EPS15: variants seen among roughly 807,000 people sequenced by gnomAD.
EPS15 encodes the protein epidermal growth factor receptor substrate 15.
EPS15 carries 72 observed loss-of-function variants against 113.8 expected under a neutral mutation model. The observed-to-expected ratio is 0.63, with a 90% CI of 0.52 to 0.77. EPS15 has a LOEUF of 0.77. EPS15 is among the 30% of genes least tolerant of loss of function. EPS15 has a pLI of 0.00. For missense variants in EPS15, 1,048 were observed against 1,045.8 expected, an observed-to-expected ratio of 1.00 and a Z score of -0.03; for synonymous variants, 344 against 363.4, an observed-to-expected ratio of 0.95 and a Z score of 0.61.
In EPS15 at chr1:51,399,151, C is replaced by T. The variant is rs986033614; in HGVS notation, c.1933G>A (p.Asp645Asn). 5.6e-6 allele frequency: 9 copies of T among 1,613,326 alleles called. No homozygotes were observed. Among genetic ancestry groups the T allele is most frequent in the Non-Finnish European group, 7.6e-6 (9 of 1,179,808 alleles). Residue 645 changes from aspartate to asparagine, a missense_variant, in exon 20 of 25, where the codon GAT becomes AAT. Physicochemically the swap from Asp to Asn is conservative, Grantham distance 23 (BLOSUM62 1). Coordinates refer to ENST00000371733, the MANE Select transcript of EPS15 (RefSeq NM_001981.3). Reference sequence around the variant, plus strand: ...AATGGATCTGAACCTTTGAAAGGATCACCACCAAATGGATCTAAAAAAATA... The same window carrying T: ...AATGGATCTGAACCTTTGAAAGGATTACCACCAAATGGATCTAAAAAAATA... ...PFGKIDPFGGDPFKGSDPFAS... is the reference protein window; with the variant it reads ...PFGKIDPFGGNPFKGSDPFAS...
intron 23 of EPS15, 48 bp downstream of exon 23, chr1:51,363,816 GAA>G: frequency 6.5e-7 from 1 of 1,534,666 alleles, no homozygotes; most frequent in Non-Finnish European, 8.8e-7. Flanking sequence ...ATACTTTTCA[GAA>G]AGAGAAAAGC....
At chr1:51,475,595 G>A (rs930738369) in intron 2 of EPS15, among the ~76,000 whole-genome samples, 13 of 152,146 alleles carry the variant, frequency 8.5e-5, no homozygotes, top group African/African-American at 3.1e-4. Context: ...TGTCAGATGG[G>A]TAGATTGTAA....
chr1:51,357,411 TATATATATATATA>T (rs1557761441), intron 24 of EPS15, among the ~76,000 whole-genome samples: 643 of 59,596 alleles, frequency 0.011, 28 homozygotes, highest in African/African-American at 0.052. Context: ...TATATATATA[TATATATATATATA>T]TATTTTTTTT....
At chr1:51,462,184 G>A (rs1654499620) in intron 7 of EPS15, 1 of 152,152 alleles carries the variant, frequency 6.6e-6, no homozygotes, top group African/African-American at 2.4e-5. Context: ...ACAACATGGA[G>A]AAACCCCATC....
chr1:51,489,744 T>G (rs1161562406), intron 1 of EPS15, among the ~76,000 whole-genome samples: 1 of 152,184 alleles, frequency 6.6e-6, no homozygotes, highest in African/African-American at 2.4e-5. Context: ...ATAACTTGTT[T>G]TGGCCACTGA....
intron 1 of EPS15, among the ~76,000 whole-genome samples, chr1:51,493,558 A>G (rs1410736905): frequency 1.3e-5 from 2 of 149,286 alleles, no homozygotes; most frequent in Non-Finnish European, 3.0e-5. Flanking sequence ...ATAAATAAAT[A>G]AATAAATAAA....
At chr1:51,478,098 T>C (rs1201824404) in intron 2 of EPS15, among the ~76,000 whole-genome samples, 1 of 152,204 alleles carries the variant, frequency 6.6e-6, no homozygotes, top group African/African-American at 2.4e-5. Context: ...TAAGTCTCTT[T>C]GTAGGTCTCT....
chr1:51,433,839 G>C (rs1651930882), intron 12 of EPS15, among the ~76,000 whole-genome samples: 1 of 152,202 alleles, frequency 6.6e-6, no homozygotes, highest in Non-Finnish European at 1.5e-5. Flanking sequence ...GACAGAGACA[G>C]GAAGGAAATG....
chr1:51,407,510 T>C (rs955196564), intron 15 of EPS15, among the ~76,000 whole-genome samples: 8 of 152,140 alleles, frequency 5.3e-5, no homozygotes, highest in Non-Finnish European at 8.8e-5. Flanking sequence ...CCTAACTATC[T>C]TATCATTCAT....
intron 12 of EPS15, among the ~76,000 whole-genome samples, chr1:51,423,979 C>G (rs942747641): frequency 6.6e-6 from 1 of 151,936 alleles, no homozygotes; most frequent in Non-Finnish European, 1.5e-5. Flanking sequence ...CTAATCATAT[C>G]CTGAAGACCA....
chr1:51,374,547 T>A (rs1646740203), intron 21 of EPS15, among the ~76,000 whole-genome samples: 1 of 152,114 alleles, frequency 6.6e-6, no homozygotes, highest in African/African-American at 2.4e-5. Context: ...GAGGTTGCAG[T>A]GAGCTGAGAT....
chr1:51,473,048 G>A, intron 2 of EPS15, 100 bp from the exon 3 acceptor site: 1 of 860,200 alleles, frequency 1.2e-6, no homozygotes, highest in South Asian at 1.4e-5. Flanking sequence ...CCTGGCTTTT[G>A]CAAGAAAGGA....
At chr1:51,373,168 TAAG>T (rs1336468325) in intron 21 of EPS15, 1 of 158,274 alleles carries the variant, frequency 6.3e-6, no homozygotes, top group African/African-American at 2.4e-5. Flanking sequence ...TGACAAAGAG[TAAG>T]ATATAGATAA....
chr1:51,416,726 G>A (rs1400154715), intron 13 of EPS15, among the ~76,000 whole-genome samples: 1 of 151,984 alleles, frequency 6.6e-6, no homozygotes, highest in East Asian at 1.9e-4. Flanking sequence ...TACAACTGAT[G>A]AAGTTACTTT....
At chr1:51,504,049 C>T (rs1644456627) in intron 1 of EPS15, among the ~76,000 whole-genome samples, 2 of 152,108 alleles carry the variant, frequency 1.3e-5, no homozygotes, top group African/African-American at 4.8e-5. Context: ...TGCCAAAAGA[C>T]TCAGCTATGT....
intron 1 of EPS15, among the ~76,000 whole-genome samples, chr1:51,512,318 C>T (rs149424839): frequency 6.6e-6 from 1 of 152,086 alleles, no homozygotes. Context: ...AAGTAATTTG[C>T]CCAAGATCAC....
chr1:51,447,725 T>G (rs1014559546), intron 9 of EPS15, among the ~76,000 whole-genome samples: 4 of 152,188 alleles, frequency 2.6e-5, no homozygotes, highest in Non-Finnish European at 5.9e-5. Flanking sequence ...TCCAGGGAGA[T>G]CAAAATAAAA....
intron 11 of EPS15, among the ~76,000 whole-genome samples, chr1:51,442,808 A>G (rs1437611813): frequency 5.9e-5 from 9 of 152,152 alleles, no homozygotes; most frequent in African/African-American, 2.2e-4. Context: ...CATAAAGTAA[A>G]GCTCTAACCT....
intron 8 of EPS15, among the ~76,000 whole-genome samples, chr1:51,455,168 T>C (rs2148492140): frequency 6.6e-6 from 1 of 152,272 alleles, no homozygotes; most frequent in East Asian, 1.9e-4. Flanking sequence ...TTTCACAGAA[T>C]AGGACTATAC....
Sources: allele counts gnomAD v4.1 joint callset (sites outside exome capture counted in the v4.1 genomes callset), GRCh38; gene constraint gnomAD v4.1.1; transcripts MANE v1.5; gene names NCBI Gene and HGNC (gene_info 2026-07-23, HGNC 2026-07-21).